The following GPCPD1 variants were observed in gnomAD, a reference collection of about 807,000 sequenced individuals.
The protein encoded by GPCPD1 is glycerophosphocholine phosphodiesterase 1.
A neutral mutation model predicts 89.2 loss-of-function variants in GPCPD1; 29 were observed. That is an observed-to-expected ratio of 0.33 (90% confidence interval 0.24 to 0.44). The LOEUF is 0.44. GPCPD1 is among the 20% of genes least tolerant of loss of function. GPCPD1 has a pLI of 1.00. For synonymous variants in GPCPD1, 258 were observed against 266.3 expected, an observed-to-expected ratio of 0.97 and a Z score of 0.30; for missense variants, 594 against 808.9, an observed-to-expected ratio of 0.73 and a Z score of 3.22.
chr20:5,581,634 T>C (rs1484562918), intron 6 of GPCPD1, among the ~76,000 whole-genome samples: 1 of 152,076 alleles, frequency 6.6e-6, no homozygotes, highest in Non-Finnish European at 1.5e-5. Context: ...TGGCATTAAC[T>C]TGAAGCTACT....
rs748581132 is a variant in GPCPD1 at position 5,578,423 on chromosome 20, G to A, written c.662C>T (p.Thr221Met). Residue 221 changes from threonine to methionine, a missense_variant, in exon 8 of 20, where the codon ACG becomes ATG. Transcript: ENST00000379019. ...PDRWTEYSIQ[T>M]MEPDNLELIF... is the part of the protein sequence containing the mutation. Reference sequence around the variant, plus strand: ...TAGTTCCAGGTTATCTGGTTCCATCGTCTGTATGCTGTACTCTGTCCAACG... The same window carrying A: ...TAGTTCCAGGTTATCTGGTTCCATCATCTGTATGCTGTACTCTGTCCAACG... The A allele has an allele frequency of 1.9e-6, 3 of 1,613,636 alleles. No homozygotes were observed. Among genetic ancestry groups the A allele is most frequent in the South Asian group, 1.1e-5 (1 of 91,072 alleles).
intron 4 of GPCPD1, among the ~76,000 whole-genome samples, chr20:5,590,796 C>T (rs188880540): frequency 3.0e-4 from 46 of 152,192 alleles, no homozygotes; most frequent in African/African-American, 1.1e-3. Context: ...ACTTAAAACT[C>T]AAGGGAGATC....
rs1985072661 is a variant in GPCPD1, at chr20:5,547,249, T to A, written c.*412A>T. ...GCATGCATTTGAGGTACTTATTTTT[T>A]TCATGGTCAGGTATAATTATGCATA... On this transcript the variant is annotated 3_prime_UTR_variant, in exon 20 of 20. Transcript: ENST00000379019. 6.5e-6 allele frequency: 1 copy of A among 152,724 alleles called. No individual in the cohort carries two copies. The highest frequency in any genetic ancestry group is 2.1e-4 in the South Asian group (1 of 4,828). 9.5% of individuals were successfully genotyped at this position (152,724 alleles called of 1,614,324 possible).
chr20:5,547,700 A>G lies in GPCPD1; in HGVS notation c.1980T>C (p.His660=), dbSNP rs748317330. ...PSSLCGESDI[H]VDANGIDNVE... is the part of the protein sequence containing the mutation. ...CGTTATCAATGCCGTTGGCATCCAC[A>G]TGGATATCAGACTCCCCACACAAAG... is the stretch of plus-strand genomic sequence containing the variant. Residue 660 remains histidine (H), a synonymous_variant, in exon 20 of 20, where the codon CAT becomes CAC. Transcript: ENST00000379019. 46 of 1,609,768 alleles carry G rather than the reference A, an allele frequency of 2.9e-5. No individual in the cohort carries two copies. In the South Asian group the frequency reaches 4.4e-4, roughly 15 times the overall value.
At chr20:5,591,006 G>C (rs1273492808) in intron 4 of GPCPD1, among the ~76,000 whole-genome samples, 1 of 152,062 alleles carries the variant, frequency 6.6e-6, no homozygotes, top group Non-Finnish European at 1.5e-5. Context: ...CAAGCAAAGA[G>C]GGGTGGATAC....
chr20:5,597,332 T>G (rs190319786), intron 3 of GPCPD1, among the ~76,000 whole-genome samples: 49 of 152,334 alleles, frequency 3.2e-4, no homozygotes, highest in Admixed American at 2.7e-3. Context: ...CTCCTCAAAC[T>G]ATTTGCTGTG....
chr20:5,591,920 G>A (rs1340617670), intron 4 of GPCPD1, among the ~76,000 whole-genome samples: 3 of 152,186 alleles, frequency 2.0e-5, no homozygotes, highest in Non-Finnish European at 1.5e-5. Flanking sequence ...AACACATACT[G>A]TAAACTTTTG....
intron 3 of GPCPD1, among the ~76,000 whole-genome samples, chr20:5,594,224 C>A (rs1394304260): frequency 2.0e-5 from 3 of 152,158 alleles, no homozygotes; most frequent in Non-Finnish European, 4.4e-5. Flanking sequence ...CAGGCCCTAC[C>A]CAGACTTATT....
In GPCPD1 at chr20:5,598,709, A is replaced by C; in HGVS notation, c.146+16T>G. On this transcript the variant is annotated intron_variant, in intron 3 of 19. Transcript: ENST00000379019. ...AATGTCACAGTTATTCTGTAACCTC[A>C]CATTTCCATACTCACCTTTCACCTG... 1 of 1,442,144 alleles carries C rather than the reference A, an allele frequency of 6.9e-7. No individual in the cohort carries two copies. The highest frequency in any genetic ancestry group is 9.8e-7 in the Non-Finnish European group (1 of 1,022,888). The allele number at this position is 1,442,144 out of a possible 1,614,324, so 89.3% of individuals were successfully genotyped here.
rs1034759162 is a variant in GPCPD1 at position 5,578,246 on chromosome 20, T to C, written c.705+134A>G. 11 of 622,696 alleles carry C rather than the reference T, an allele frequency of 1.8e-5. No homozygotes were observed. In the African/African-American group the frequency reaches 2.0e-4, roughly 11 times the overall value. The allele number at this position is 622,696 out of a possible 1,614,324, so 38.6% of individuals were successfully genotyped here. On this transcript the variant is annotated intron_variant, in intron 8 of 19. Transcript: ENST00000379019. ...GATGACAACTCTAAGTTTTTTAAGC[T>C]TAACTGTACAGAAGAGCATACCTCT...
chr20:5,584,191 C>T (rs1978751058), intron 6 of GPCPD1, 90 bp downstream of exon 6: 2 of 693,592 alleles, frequency 2.9e-6, no homozygotes, highest in Non-Finnish European at 5.2e-6. Flanking sequence ...ACTGTATGTT[C>T]TATTTTCCTG....
intron 7 of GPCPD1, among the ~76,000 whole-genome samples, chr20:5,579,493 G>A (rs1233235527): frequency 6.6e-6 from 1 of 152,056 alleles, no homozygotes; most frequent in South Asian, 2.1e-4. Flanking sequence ...GATTACAGGC[G>A]CCCAACAGCA....
At chr20:5,586,950 A>T (rs905434551) in intron 4 of GPCPD1, among the ~76,000 whole-genome samples, 2 of 152,180 alleles carry the variant, frequency 1.3e-5, no homozygotes, top group African/African-American at 4.8e-5. Context: ...TTTCATTCTT[A>T]TGCCTTAGTT....
chr20:5,602,966 G>C (rs923967618), intron 2 of GPCPD1, among the ~76,000 whole-genome samples: 5 of 141,606 alleles, frequency 3.5e-5, no homozygotes, highest in Non-Finnish European at 3.0e-5. Context: ...CTAGGCAACA[G>C]AGTGAGACTC....
intron 14 of GPCPD1, among the ~76,000 whole-genome samples, chr20:5,566,006 T>C (rs1464063445): frequency 2.0e-5 from 3 of 152,194 alleles, no homozygotes; most frequent in East Asian, 3.8e-4. Flanking sequence ...AAATTCATTT[T>C]ATTACTAAGA....
At chr20:5,556,318 C>T (rs1157365741) in intron 19 of GPCPD1, among the ~76,000 whole-genome samples, 1 of 152,114 alleles carries the variant, frequency 6.6e-6, no homozygotes, top group Non-Finnish European at 1.5e-5. Flanking sequence ...AGTGATTCTC[C>T]TGCCTCAGCC....
intron 14 of GPCPD1, among the ~76,000 whole-genome samples, chr20:5,565,888 G>A (rs1986373329): frequency 1.3e-5 from 2 of 151,890 alleles, no homozygotes; most frequent in South Asian, 4.1e-4. Context: ...TCCAAAAGTG[G>A]AAAAAATTAA....
intron 8 of GPCPD1, among the ~76,000 whole-genome samples, chr20:5,577,385 G>A (rs1978295323): frequency 6.6e-6 from 1 of 151,400 alleles, no homozygotes; most frequent in South Asian, 2.1e-4. Context: ...CTACTTGAGA[G>A]GCTGAGGCAT....
chr20:5,570,599 T>C lies in GPCPD1; in HGVS notation c.1057-360A>G, dbSNP rs540662450. ...CCCACACATTGCTGCCCACTGCCCC[T>C]GCAAACCTTAGCTGCACAGCTAACA... On this transcript the variant is annotated intron_variant, in intron 11 of 19. Coordinates refer to ENST00000379019, the MANE Select transcript of GPCPD1 (RefSeq NM_019593.5). Among the ~76,000 whole-genome samples the C allele has an allele frequency of 9.3e-4, 142 of 152,274 alleles. 1 individual carries two copies. Among genetic ancestry groups the C allele is most frequent in the Non-Finnish European group, 1.7e-3 (113 of 68,012 alleles).
Sources: allele counts gnomAD v4.1 joint callset (sites outside exome capture counted in the v4.1 genomes callset), GRCh38; gene constraint gnomAD v4.1.1; transcripts MANE v1.5; gene names NCBI Gene and HGNC (gene_info 2026-07-23, HGNC 2026-07-21).